Variants in EHMT1 observed in about 807,000 individuals in gnomAD.
The protein encoded by EHMT1 is euchromatic histone lysine methyltransferase 1.
Under a neutral mutation model 147.2 loss-of-function variants are expected in EHMT1, and 15 were observed. The ratio of observed to expected loss-of-function variants is 0.10; its 90% CI spans 0.07 to 0.16. The LOEUF (loss-of-function observed/expected upper bound fraction) is 0.16. EHMT1 is among the 10% of genes least tolerant of loss of function. The probability of loss-of-function intolerance (pLI) is 1.00; values close to 1 mark genes in which losing one functional copy is unlikely to be tolerated. For missense variants in EHMT1, 1,587 were observed against 1,772.4 expected (o/e 0.90, Z 1.88); for synonymous variants, 795 against 709.6 (o/e 1.12, Z -1.91).
Position 137,645,301 on chromosome 9 carries a change from CAT to C in EHMT1, c.21+26255_21+26256del, listed in dbSNP as rs527299698. ...ATTGGCTTGCGCCTTTATTGATTTA[CAT>C]ATGTTTTTGTGGCCCAGGGTGAATA... On this transcript the variant is annotated intron_variant, in intron 1 of 26. Transcript: ENST00000460843. Among the ~76,000 whole-genome samples, 8 of 152,346 alleles carry C rather than the reference CAT, an allele frequency of 5.3e-5. No homozygotes were observed. The East Asian group carries it at 1.3e-3, about 26-fold the overall frequency.
rs778903375 is a variant in EHMT1, at chr9:137,811,517, G to A, written c.2769G>A (p.Glu923=). The A allele has an allele frequency of 6.2e-7, 1 of 1,611,730 alleles. No homozygotes were observed. Among genetic ancestry groups the A allele is most frequent in the Non-Finnish European group, 8.5e-7 (1 of 1,180,012 alleles). The change falls in exon 19 of 27, where the codon GAG becomes GAA. Residue 923 remains glutamate, a synonymous_variant. Transcript: ENST00000460843. ...AAFSGCVDIA[E]ILLAAKCDLH... ...TCTCCGGCTGCGTGGACATAGCCGA[G>A]ATCCTGCTGGCTGCCAAGTGCGACC...
In EHMT1 at chr9:137,698,824, AAC is replaced by A. The variant is rs1943603959; in HGVS notation, c.22-12141_22-12140del. Among the ~76,000 whole-genome samples, 4 of 152,158 alleles carry A rather than the reference AAC, an allele frequency of 2.6e-5. No individual in the cohort carries two copies. In the South Asian group the frequency reaches 8.3e-4, roughly 31 times the overall value. ...TATGGGCTTGTCTTTGAATAATTTT[AAC>A]AGAGATTATCCAAAATATGTCTAGT... On this transcript the variant is annotated intron_variant, in intron 1 of 26. Transcript: ENST00000460843.
chr9:137,691,723 A>C (rs1942952413), intron 1 of EHMT1, among the ~76,000 whole-genome samples: 1 of 152,222 alleles, frequency 6.6e-6, no homozygotes, highest in Non-Finnish European at 1.5e-5. Context: ...TCTCACTAGC[A>C]GCACGCAAGG....
intron 25 of EHMT1, among the ~76,000 whole-genome samples, chr9:137,829,020 G>A (rs1956015704): frequency 6.6e-6 from 1 of 152,120 alleles, no homozygotes; most frequent in African/African-American, 2.4e-5. Flanking sequence ...ACCAGGCCCG[G>A]GTGTCTGTAC....
rs1232558193 is a variant in EHMT1 at position 137,775,415 on chromosome 9, C to T, written c.1791+163C>T. 3.9e-5 allele frequency among the ~76,000 whole-genome samples: 6 copies of T among 152,056 alleles called. No homozygotes were observed. The highest frequency in any genetic ancestry group is 7.4e-5 in the Non-Finnish European group (5 of 67,946). On this transcript the variant is annotated intron_variant, in intron 11 of 26. Transcript: ENST00000460843. The surrounding 1 kb of genome is among the most constrained non-coding windows in gnomAD (Gnocchi z 6.1). ...CCAGTGTTCACAAGCCCCTCACCAC[C>T]CCTGTCGAGCCCCAGTGCCTTAGAC... is the stretch of plus-strand genomic sequence containing the variant.
At chr9:137,830,983 G>T (rs1006692691) in intron 25 of EHMT1, among the ~76,000 whole-genome samples, 17 of 152,214 alleles carry the variant, frequency 1.1e-4, no homozygotes, top group African/African-American at 3.9e-4. Flanking sequence ...GAAGTCCCAA[G>T]ATGAAGGTGT....
chr9:137,619,801 C>G (rs1407479881), intron 1 of EHMT1, among the ~76,000 whole-genome samples: 1 of 151,966 alleles, frequency 6.6e-6, no homozygotes, highest in African/African-American at 2.4e-5. Flanking sequence ...AAGGAAGCAG[C>G]GTAGAGATTA....
In EHMT1 at chr9:137,817,505, A is replaced by G. The variant is rs774848886; in HGVS notation, c.3441A>G (p.Pro1147=). ...GCGTGCGGTCCCTGCAGGACATCCC[A>G]CCAGGCACCTTTGTCTGCGAGTGAG... ...GWGVRSLQDI[P]PGTFVCEYVG... Residue 1147 remains proline (P), a synonymous_variant, in exon 24 of 27, where the codon CCA becomes CCG. Coordinates refer to ENST00000460843, the MANE Select transcript of EHMT1 (RefSeq NM_024757.5). The G allele has an allele frequency of 7.4e-6, 12 of 1,614,030 alleles. No homozygotes were observed. Among genetic ancestry groups the G allele is most frequent in the Non-Finnish European group, 1.0e-5 (12 of 1,180,024 alleles).
Position 137,717,053 on chromosome 9 carries a change from G to A in EHMT1, c.513G>A (p.Thr171=), listed in dbSNP as rs765164018. The change falls in exon 3 of 27, where the codon ACG becomes ACA. Residue 171 remains threonine (T), a synonymous_variant. Transcript: ENST00000460843. ...KGRTPSAFPQ[T]PAAPPATLGE... ...GGACTCCAAGCGCTTTTCCCCAGAC[G>A]CCAGCCGCCCCACCAGCCACCCTTG... 2.1e-5 allele frequency: 34 copies of A among 1,606,986 alleles called. No homozygotes were observed. Among genetic ancestry groups the A allele is most frequent in the Non-Finnish European group, 2.8e-5 (33 of 1,175,944 alleles).
At chr9:137,815,598 C>T in intron 22 of EHMT1, 1 of 374,722 alleles carries the variant, frequency 2.7e-6, no homozygotes, top group Non-Finnish European at 5.1e-6. Context: ...CAGGAGGCCC[C>T]AACCAGCTGA....
At chr9:137,772,825 C>CT (rs1291629814) in intron 10 of EHMT1, among the ~76,000 whole-genome samples, 1 of 152,212 alleles carries the variant, frequency 6.6e-6, no homozygotes, top group Non-Finnish European at 1.5e-5. Flanking sequence ...CCCAGTGCAT[C>CT]TGTGTTTTTC....
intron 1 of EHMT1, among the ~76,000 whole-genome samples, chr9:137,622,642 A>G (rs1219802504): frequency 6.6e-6 from 1 of 152,176 alleles, no homozygotes; most frequent in Non-Finnish European, 1.5e-5. Context: ...GTTCTTGGCC[A>G]GGGCCAGCAG....
chr9:137,670,016 C>G (rs1333934802), intron 1 of EHMT1, among the ~76,000 whole-genome samples: 1 of 152,110 alleles, frequency 6.6e-6, no homozygotes, highest in East Asian at 1.9e-4. Flanking sequence ...TGCCATCACG[C>G]CCAGCTAATG....
intron 1 of EHMT1, among the ~76,000 whole-genome samples, chr9:137,651,825 G>A (rs751253726): frequency 2.0e-5 from 3 of 152,054 alleles, no homozygotes; most frequent in African/African-American, 2.4e-5. Flanking sequence ...TAGTGGAGCC[G>A]AAAAGTTCCT....
At chr9:137,817,616 C>A in intron 24 of EHMT1, 91 bp downstream of exon 24, 3 of 1,527,126 alleles carry the variant, frequency 2.0e-6, no homozygotes, top group Non-Finnish European at 2.7e-6. Flanking sequence ...CCTCTGGGAG[C>A]AGGCACATCC....
chr9:137,723,561 G>A (rs1161903055), intron 3 of EHMT1, among the ~76,000 whole-genome samples: 21 of 148,138 alleles, frequency 1.4e-4, no homozygotes, highest in African/African-American at 4.5e-4. Flanking sequence ...GGGTGTGTCC[G>A]TGTCTGTGGT....
At chr9:137,753,760 C>T (rs892037251) in intron 7 of EHMT1, among the ~76,000 whole-genome samples, 2 of 152,202 alleles carry the variant, frequency 1.3e-5, no homozygotes, top group Non-Finnish European at 2.9e-5. Context: ...TCCTTGTTCT[C>T]TGTGTAGATC....
At chr9:137,711,096 T>G in intron 2 of EHMT1, 66 bp downstream of exon 2, 1 of 1,495,608 alleles carries the variant, frequency 6.7e-7, no homozygotes. Context: ...CCTGCTGCTC[T>G]TCCTCTCTTA....
chr9:137,706,900 C>T (rs1349857450), intron 1 of EHMT1, among the ~76,000 whole-genome samples: 3 of 152,098 alleles, frequency 2.0e-5, no homozygotes, highest in African/African-American at 4.8e-5. Flanking sequence ...CAGCTCACTG[C>T]AACCTCCGCC....
Sources: allele counts gnomAD v4.1 joint callset (sites outside exome capture counted in the v4.1 genomes callset), GRCh38; gene constraint gnomAD v4.1.1; non-coding constraint Gnocchi (gnomAD v3.1); transcripts MANE v1.5; gene names NCBI Gene and HGNC (gene_info 2026-07-23, HGNC 2026-07-21).